The following ELOVL7 variants were observed in gnomAD, a reference collection of about 807,000 sequenced individuals.
The protein encoded by ELOVL7 is very long chain fatty acid elongase 7.
In ELOVL7, 27 loss-of-function variants were observed where a neutral mutation model predicts 35.7. That is an observed-to-expected ratio of 0.76 (90% CI 0.56 to 1.04). ELOVL7 has a LOEUF of 1.04. Among genes scored for constraint, ELOVL7 ranks in the 50% least tolerant of loss-of-function variants. The pLI, the probability that ELOVL7 is intolerant of heterozygous loss-of-function variation, is 0.00. For missense variants in ELOVL7, 327 were observed against 340.8 expected (o/e 0.96, Z 0.32); for synonymous variants, 113 against 114.6 (o/e 0.99, Z 0.09).
At chr5:60,758,371 A>AT (rs1455025078) in intron 7 of ELOVL7, among the ~76,000 whole-genome samples, 1 of 152,122 alleles carries the variant, frequency 6.6e-6, no homozygotes, top group South Asian at 2.1e-4. Flanking sequence ...TGCTAAGAAT[A>AT]TTTTTTTATA....
At chr5:60,781,478 A>G (rs527278796) in intron 3 of ELOVL7, among the ~76,000 whole-genome samples, 1 of 152,256 alleles carries the variant, frequency 6.6e-6, no homozygotes, top group African/African-American at 2.4e-5. Flanking sequence ...AAATGACATC[A>G]TTTCTCTGTT....
intron 1 of ELOVL7, among the ~76,000 whole-genome samples, chr5:60,815,895 G>A (rs1745488291): frequency 1.3e-5 from 2 of 152,176 alleles, no homozygotes; most frequent in African/African-American, 4.8e-5. Context: ...TTTATCTGAG[G>A]TCAATGGAGT....
chr5:60,831,073 AAATG>A (rs1263582936), intron 1 of ELOVL7, among the ~76,000 whole-genome samples: 1 of 152,238 alleles, frequency 6.6e-6, no homozygotes, highest in African/African-American at 2.4e-5. Context: ...TTTATTACAT[AAATG>A]AATGAATACT....
chr5:60,764,262 G>T lies in ELOVL7; in HGVS notation c.464C>A (p.Pro155Gln). Residue 155 changes from proline to glutamine, a missense_variant, in exon 7 of 9, where the codon CCG (proline) becomes CAG (glutamine). By Grantham distance (76) the Pro-to-Gln change is moderately conservative (BLOSUM62 -1). Coordinates refer to ENST00000508821, the MANE Select transcript of ELOVL7 (RefSeq NM_024930.3). ...FLHVFHHTIM[P>Q]WTWWFGVKFA... The stretch of plus-strand genomic sequence containing the variant: ...TTTGACTCCAAACCACCAGGTCCAC[G>T]GCATGATGGTATGATGGAATACATG... 6.2e-7 allele frequency: 1 copy of T among 1,613,478 alleles called. No individual in the cohort carries two copies.
intron 3 of ELOVL7, among the ~76,000 whole-genome samples, chr5:60,779,100 C>T (rs1428360325): frequency 1.3e-5 from 2 of 152,208 alleles, no homozygotes; most frequent in African/African-American, 4.8e-5. Flanking sequence ...CTCCCATGGC[C>T]TTGGGCAGCT....
intron 3 of ELOVL7, among the ~76,000 whole-genome samples, chr5:60,778,765 C>G (rs1743061779): frequency 6.6e-6 from 1 of 152,300 alleles, no homozygotes; most frequent in East Asian, 1.9e-4. Flanking sequence ...CACAATCATG[C>G]CTTCCGAACA....
At chr5:60,774,920 C>T (rs1312041900) in intron 3 of ELOVL7, among the ~76,000 whole-genome samples, 1 of 152,042 alleles carries the variant, frequency 6.6e-6, no homozygotes, top group African/African-American at 2.4e-5. Context: ...TGCCCGCCAC[C>T]ATGCCCAGCT....
intron 3 of ELOVL7, among the ~76,000 whole-genome samples, chr5:60,783,829 A>G (rs1310542521): frequency 6.6e-6 from 1 of 152,206 alleles, no homozygotes; most frequent in Non-Finnish European, 1.5e-5. Flanking sequence ...AAGTTGAAAA[A>G]GTTAGGGTTA....
intron 1 of ELOVL7, among the ~76,000 whole-genome samples, chr5:60,831,922 T>C (rs1579938141): frequency 6.6e-6 from 1 of 152,194 alleles, no homozygotes; most frequent in South Asian, 2.1e-4. Context: ...TGGATCTTAA[T>C]ATATTTATTG....
At chr5:60,789,214 A>C (rs1248464990) in intron 2 of ELOVL7, among the ~76,000 whole-genome samples, 5 of 152,228 alleles carry the variant, frequency 3.3e-5, no homozygotes, top group African/African-American at 1.2e-4. Context: ...AACAGTAAAA[A>C]ATATGTTCAA....
chr5:60,759,596 C>A (rs895445755), intron 7 of ELOVL7, among the ~76,000 whole-genome samples: 1 of 138,658 alleles, frequency 7.2e-6, no homozygotes, highest in Non-Finnish European at 1.5e-5. Flanking sequence ...TTAATAGAGG[C>A]GTGCCTATTT....
intron 1 of ELOVL7, among the ~76,000 whole-genome samples, chr5:60,832,375 T>G (rs945657025): frequency 2.0e-5 from 3 of 152,216 alleles, no homozygotes; most frequent in Non-Finnish European, 2.9e-5. Context: ...ATAGATTTTT[T>G]TTTTTTTTGA....
At position 60,764,253 on chromosome 5, in the gene ELOVL7, C is replaced by G; in HGVS notation, c.473G>C (p.Trp158Ser). ...TGCAGCAAATTTGACTCCAAACCACCAGGTCCACGGCATGATGGTATGATG... is the reference window on the plus strand; with the variant it reads ...TGCAGCAAATTTGACTCCAAACCACGAGGTCCACGGCATGATGGTATGATG... ...VFHHTIMPWT[W>S]WFGVKFAAGG... Residue 158 changes from tryptophan (W) to serine (S), a missense_variant, in exon 7 of 9, where the codon TGG becomes TCG. Physicochemically the swap from Trp to Ser is radical, Grantham distance 177 (BLOSUM62 -3). Transcript: ENST00000508821. The G allele has an allele frequency of 6.2e-7, 1 of 1,613,510 alleles. No individual in the cohort carries two copies. Among genetic ancestry groups the G allele is most frequent in the Non-Finnish European group, 8.5e-7 (1 of 1,179,692 alleles).
At chr5:60,801,338 A>G (rs1419926589) in intron 1 of ELOVL7, among the ~76,000 whole-genome samples, 1 of 152,200 alleles carries the variant, frequency 6.6e-6, no homozygotes, top group Non-Finnish European at 1.5e-5. Flanking sequence ...AAAGAAATAA[A>G]AAGGCATCCA....
Position 60,754,574 on chromosome 5 carries a change from T to G in ELOVL7, c.*50A>C. 1 of 1,518,752 alleles carries G rather than the reference T, an allele frequency of 6.6e-7. No homozygotes were observed. The allele number at this position is 1,518,752 out of a possible 1,614,324, so 94.1% of individuals were successfully genotyped here. A position where few individuals can be genotyped will look rare whatever the true frequency, so the allele number is the denominator to read the frequency against. ...CACTGCATAGGTAAATATCTCTTGA[T>G]TGTCAAGGAAGACAATGTATCAGTT... On this transcript the variant is annotated 3_prime_UTR_variant, in exon 9 of 9. Coordinates refer to ENST00000508821, the MANE Select transcript of ELOVL7 (RefSeq NM_024930.3).
Position 60,831,976 on chromosome 5 carries a change from A to C in ELOVL7, c.-86+12184T>G, listed in dbSNP as rs139432732. Reference sequence around the variant, plus strand: ...CTGGGAAAAAAGTAGAATGTGAATTATATATGATCATATTTAAAATCTGCA... The same window carrying C: ...CTGGGAAAAAAGTAGAATGTGAATTCTATATGATCATATTTAAAATCTGCA... On this transcript the variant is annotated intron_variant, in intron 1 of 8. Transcript: ENST00000508821. Among the ~76,000 whole-genome samples, 11 of 152,340 alleles carry C rather than the reference A, an allele frequency of 7.2e-5. No individual in the cohort carries two copies. The East Asian group carries it at 2.1e-3, about 29-fold the overall frequency.
At chr5:60,825,267 T>G (rs944117679) in intron 1 of ELOVL7, among the ~76,000 whole-genome samples, 10 of 152,130 alleles carry the variant, frequency 6.6e-5, no homozygotes, top group Non-Finnish European at 1.5e-4. Context: ...CCTCAAGGCA[T>G]TGAAAATCAC....
chr5:60,759,365 A>G (rs1283028634), intron 7 of ELOVL7, among the ~76,000 whole-genome samples: 1 of 152,194 alleles, frequency 6.6e-6, no homozygotes, highest in African/African-American at 2.4e-5. Context: ...ATTTGAATAA[A>G]CACATTATTG....
intron 6 of ELOVL7, 67 bp downstream of exon 6, chr5:60,766,507 A>T: frequency 7.3e-7 from 1 of 1,378,698 alleles, no homozygotes; most frequent in Non-Finnish European, 1.0e-6. Context: ...TTTCACTGAA[A>T]GATCAAACAT....
Sources: allele counts gnomAD v4.1 joint callset (sites outside exome capture counted in the v4.1 genomes callset), GRCh38; gene constraint gnomAD v4.1.1; transcripts MANE v1.5; gene names NCBI Gene and HGNC (gene_info 2026-07-23, HGNC 2026-07-21).